The following WWOX variants were observed in gnomAD, a reference collection of about 807,000 sequenced individuals.
WWOX encodes the protein WW domain-containing oxidoreductase.
A neutral mutation model predicts 46.2 loss-of-function variants in WWOX; 69 were observed. That is an observed-to-expected ratio of 1.49 (90% CI 1.23 to 1.82). WWOX has a LOEUF of 1.82. Ranked by LOEUF, WWOX falls within the 40% of genes most tolerant of loss-of-function variation. The pLI is 0.00. For synonymous variants in WWOX, 359 were observed against 202.6 expected (o/e 1.77, Z -6.56); for missense variants, 919 against 542.6 (o/e 1.69, Z -6.89).
At chr16:78,566,215 T>C (rs908502618) in intron 8 of WWOX, among the ~76,000 whole-genome samples, 1 of 152,064 alleles carries the variant, frequency 6.6e-6, no homozygotes, top group African/African-American at 2.4e-5. Flanking sequence ...CATTTGAAAT[T>C]AGTCACCTCC....
intron 8 of WWOX, among the ~76,000 whole-genome samples, chr16:78,462,760 T>A (rs866361948): frequency 6.6e-6 from 1 of 152,344 alleles, no homozygotes; most frequent in Middle Eastern, 3.4e-3. Flanking sequence ...TGTTGTAAAC[T>A]CGTCCTGCCG....
At chr16:78,855,643 G>A (rs932417200) in intron 8 of WWOX, among the ~76,000 whole-genome samples, 1 of 152,188 alleles carries the variant, frequency 6.6e-6, no homozygotes, top group South Asian at 2.1e-4. Flanking sequence ...AAGACAACCT[G>A]TCTTCTCCCA....
intron 8 of WWOX, among the ~76,000 whole-genome samples, chr16:79,149,735 C>T (rs540829568): frequency 1.3e-5 from 2 of 152,342 alleles, no homozygotes; most frequent in Admixed American, 6.5e-5. Flanking sequence ...GGACCGCAGC[C>T]AGTGGGTTAC....
chr16:78,426,928 C>G (rs149732143), intron 7 of WWOX, among the ~76,000 whole-genome samples: 3 of 152,208 alleles, frequency 2.0e-5, no homozygotes, highest in African/African-American at 7.2e-5. Flanking sequence ...TCTCACAGTG[C>G]TGTGATTACA....
intron 8 of WWOX, among the ~76,000 whole-genome samples, chr16:78,458,443 T>G (rs935747363): frequency 6.6e-6 from 1 of 151,954 alleles, no homozygotes; most frequent in South Asian, 2.1e-4. Flanking sequence ...TAATTTTTTA[T>G]AGAGACAAGG....
intron 8 of WWOX, among the ~76,000 whole-genome samples, chr16:78,870,732 G>T (rs945478173): frequency 1.3e-5 from 2 of 152,160 alleles, no homozygotes; most frequent in East Asian, 3.9e-4. Context: ...CTCCCAAGTA[G>T]CTGGGATTAC....
chr16:78,461,237 C>A (rs916883938), intron 8 of WWOX, among the ~76,000 whole-genome samples: 2 of 152,212 alleles, frequency 1.3e-5, no homozygotes, highest in African/African-American at 4.8e-5. Flanking sequence ...CTGTCCAATT[C>A]TAGCTTCTCC....
intron 5 of WWOX, among the ~76,000 whole-genome samples, 179 bp from the exon 6 acceptor site, chr16:78,386,681 C>T (rs929961749): frequency 6.9e-6 from 1 of 145,970 alleles, no homozygotes; most frequent in Admixed American, 6.7e-5. Context: ...TCACATCCTC[C>T]CCGAACTTGG....
At chr16:78,724,112 G>A (rs2048766330) in intron 8 of WWOX, among the ~76,000 whole-genome samples, 1 of 152,200 alleles carries the variant, frequency 6.6e-6, no homozygotes, top group South Asian at 2.1e-4. Context: ...TGTGCAGGAC[G>A]AGGAGGAAAA....
At chr16:78,851,587 C>G (rs1470921571) in intron 8 of WWOX, among the ~76,000 whole-genome samples, 3 of 152,212 alleles carry the variant, frequency 2.0e-5, no homozygotes, top group African/African-American at 4.8e-5. Flanking sequence ...CGGTGAGGGA[C>G]TTTATCTGTC....
chr16:78,144,582 C>T (rs1457810253), intron 4 of WWOX, among the ~76,000 whole-genome samples: 1 of 137,154 alleles, frequency 7.3e-6, no homozygotes, highest in Non-Finnish European at 1.5e-5. Flanking sequence ...AGTACAGTGG[C>T]GCGATCTGAG....
Position 78,396,142 on chromosome 16 carries a change from T to C in WWOX, c.605+9194T>C, listed in dbSNP as rs140507690. 2.2e-3 allele frequency among the ~76,000 whole-genome samples: 339 copies of C among 152,370 alleles called. 1 individual carries two copies. Among genetic ancestry groups the C allele is most frequent in the Admixed American group, 4.0e-3 (61 of 15,300 alleles). Reference sequence around the variant, plus strand: ...GGCTAGAGATTGGAAATAAAGCTTATGCCTTCTCTCATATCTCCTGTACCT... The same window carrying C: ...GGCTAGAGATTGGAAATAAAGCTTACGCCTTCTCTCATATCTCCTGTACCT... On this transcript the variant is annotated intron_variant, in intron 6 of 8. Coordinates refer to ENST00000566780, the MANE Select transcript of WWOX (RefSeq NM_016373.4).
chr16:78,893,257 T>C (rs1468680915), intron 8 of WWOX, among the ~76,000 whole-genome samples: 1 of 152,062 alleles, frequency 6.6e-6, no homozygotes, highest in Non-Finnish European at 1.5e-5. Context: ...GAAGACATTC[T>C]TCTTTTTTAT....
intron 8 of WWOX, among the ~76,000 whole-genome samples, chr16:79,173,442 G>C (rs892338568): frequency 6.6e-6 from 1 of 152,174 alleles, no homozygotes; most frequent in African/African-American, 2.4e-5. Context: ...TGAGCAAACA[G>C]GCAGAGACTG....
chr16:78,973,002 G>A (rs1002365799), intron 8 of WWOX, among the ~76,000 whole-genome samples: 4 of 152,122 alleles, frequency 2.6e-5, no homozygotes, highest in Non-Finnish European at 5.9e-5. Context: ...TCCTCCGATC[G>A]CATTGAAGAG....
chr16:78,495,356 G>T (rs543635192), intron 8 of WWOX, among the ~76,000 whole-genome samples: 2 of 152,004 alleles, frequency 1.3e-5, no homozygotes, highest in Non-Finnish European at 1.5e-5. Context: ...AGCCAGGCTG[G>T]TCTCGAACTC....
intron 8 of WWOX, among the ~76,000 whole-genome samples, chr16:78,485,958 T>A (rs2151454299): frequency 6.6e-6 from 1 of 152,370 alleles, no homozygotes; most frequent in East Asian, 1.9e-4. Context: ...ATTGTACAGA[T>A]TTATTAAATG....
rs763824839 is a variant in WWOX at position 78,957,560 on chromosome 16, C to T, written c.1057-254048C>T. 2.3e-4 allele frequency among the ~76,000 whole-genome samples: 35 copies of T among 152,262 alleles called. 1 individual carries two copies. The highest frequency in any genetic ancestry group is 6.8e-3 in the Middle Eastern group (2 of 294). ...CTGCACACCTTTAATCTCGGGTCTTCTTTCTGGTGAAATACCCGTGATTCA... is the reference window on the plus strand; with the variant it reads ...CTGCACACCTTTAATCTCGGGTCTTTTTTCTGGTGAAATACCCGTGATTCA... On this transcript the variant is annotated intron_variant, in intron 8 of 8. Transcript: ENST00000566780.
intron 8 of WWOX, among the ~76,000 whole-genome samples, chr16:78,554,753 T>C (rs1298062989): frequency 6.6e-6 from 1 of 152,166 alleles, no homozygotes; most frequent in African/African-American, 2.4e-5. Flanking sequence ...CTCAGCTCCC[T>C]TCTTCTCTAT....
Sources: gnomAD v4.1 joint callset for allele counts (sites outside exome capture counted in the v4.1 genomes callset) on GRCh38, gnomAD v4.1.1 for gene constraint, MANE v1.5 for transcripts, NCBI Gene and HGNC (gene_info 2026-07-23, HGNC 2026-07-21) for gene names.